Variants in C20orf203 observed in about 807,000 individuals in gnomAD.
C20orf203 encodes the protein uncharacterized protein C20orf203.
In C20orf203, 16 loss-of-function variants were observed where a neutral mutation model predicts 15.9. The observed-to-expected ratio is 1.01, with a 90% CI of 0.68 to 1.53. The LOEUF (loss-of-function observed/expected upper bound fraction) is 1.53, where lower values mean the gene tolerates loss of function less well. Ranked by LOEUF, C20orf203 falls within the 40% of genes most tolerant of loss-of-function variation. The pLI is 0.00. For synonymous variants in C20orf203, 98 were observed against 97.2 expected, an observed-to-expected ratio of 1.01 and a Z score of -0.05; for missense variants, 263 against 247.5, an observed-to-expected ratio of 1.06 and a Z score of -0.42.
intron 4 of C20orf203, among the ~76,000 whole-genome samples, chr20:32,645,303 C>T (rs1277673779): frequency 6.6e-6 from 1 of 152,238 alleles, no homozygotes; most frequent in East Asian, 1.9e-4. Flanking sequence ...TGTGATCATT[C>T]CCAGCTGCCC....
At chr20:32,665,074 G>C (rs189394267) in intron 1 of C20orf203, among the ~76,000 whole-genome samples, 227 of 152,358 alleles carry the variant, frequency 1.5e-3, no homozygotes, top group African/African-American at 5.2e-3. Flanking sequence ...TGCCAAGTAA[G>C]TTCCCCTGAT....
rs113426121 is a variant in C20orf203 at position 32,636,652 on chromosome 20, C to G, written c.*1300-2382G>C. Among the ~76,000 whole-genome samples the G allele has an allele frequency of 2.9e-3, 440 of 152,296 alleles. 2 individuals are homozygous for G. Among genetic ancestry groups the G allele is most frequent in the Middle Eastern group, 0.01 (3 of 294 alleles). On this transcript the variant is annotated intron_variant, in intron 5 of 5. Coordinates refer to ENST00000608990, the MANE Select transcript of C20orf203 (RefSeq NM_182584.4). ...CTCGTCCTCACACCCACCTGCGCCC[C>G]CCATGTGCTGCTGGACTTGGGCCAT...
intron 1 of C20orf203, among the ~76,000 whole-genome samples, chr20:32,671,027 A>AG (rs1225874243): frequency 6.7e-6 from 1 of 150,212 alleles, no homozygotes; most frequent in African/African-American, 2.5e-5. Flanking sequence ...AAAAAAAAAA[A>AG]AACAACAGTG....
At chr20:32,671,010 A>AT (rs1164922816) in intron 1 of C20orf203, among the ~76,000 whole-genome samples, 2 of 79,852 alleles carry the variant, frequency 2.5e-5, no homozygotes, top group Non-Finnish European at 6.6e-5. Flanking sequence ...AACTGCCATT[A>AT]TTTAAAAAAA....
In C20orf203 at chr20:32,650,763, G is replaced by A. The variant is rs1284959660; in HGVS notation, c.254C>T (p.Pro85Leu). 4 of 1,521,554 alleles carry A rather than the reference G, an allele frequency of 2.6e-6. No homozygotes were observed. Among genetic ancestry groups the A allele is most frequent in the Non-Finnish European group, 3.5e-6 (4 of 1,131,864 alleles). The allele number at this position is 1,521,554 out of a possible 1,614,324, so 94.3% of individuals were successfully genotyped here. A position where few individuals can be genotyped will look rare whatever the true frequency, so the allele number is the denominator to read the frequency against. Residue 85 changes from proline to leucine, a missense_variant, in exon 4 of 6, where the codon CCT (proline) becomes CTT (leucine). Transcript: ENST00000608990. ...HPQPSHQRQP[P>L]PPQHPGPYQE... is the part of the protein sequence containing the mutation. ...ATAAGGGCCTGGGTGTTGCGGAGGAGGAGGCTGGCGCTGGTGGCTGGGCTG... is the reference window on the plus strand; with the variant it reads ...ATAAGGGCCTGGGTGTTGCGGAGGAAGAGGCTGGCGCTGGTGGCTGGGCTG...
At chr20:32,668,412 G>T (rs959904659) in intron 1 of C20orf203, among the ~76,000 whole-genome samples, 2 of 151,980 alleles carry the variant, frequency 1.3e-5, no homozygotes, top group African/African-American at 2.4e-5. Flanking sequence ...GATCATTTGA[G>T]GTCAGGAGTT....
intron 1 of C20orf203, among the ~76,000 whole-genome samples, chr20:32,664,471 CT>C (rs1396284201): frequency 6.6e-6 from 1 of 152,222 alleles, no homozygotes; most frequent in Non-Finnish European, 1.5e-5. Context: ...GCCACCCCAC[CT>C]TGGGGTCCTG....
In C20orf203 at chr20:32,650,394, G is replaced by A. The variant is rs1202882020; in HGVS notation, c.*38C>T. 1.4e-6 allele frequency: 2 copies of A among 1,452,408 alleles called. No homozygotes were observed. The highest frequency in any genetic ancestry group is 2.6e-5 in the South Asian group (2 of 78,000). 90.0% of individuals were successfully genotyped at this position (1,452,408 alleles called of 1,614,324 possible). On this transcript the variant is annotated 3_prime_UTR_variant, in exon 4 of 6. Coordinates refer to ENST00000608990, the MANE Select transcript of C20orf203 (RefSeq NM_182584.4). ...AGGTGGTGGTGGCCTTGGTAGGACA[G>A]GCAGGCAGAGCTGGGGGTGGGGGCG... is the stretch of plus-strand genomic sequence containing the variant.
At chr20:32,661,125 C>T (rs539910117) in intron 1 of C20orf203, among the ~76,000 whole-genome samples, 54 of 152,252 alleles carry the variant, frequency 3.5e-4, no homozygotes, top group Non-Finnish European at 6.6e-4. Context: ...GTGCGGGAGG[C>T]GGCAAGAAAG....
rs375587810 is a variant in C20orf203, at chr20:32,650,935, G to A, written c.136-54C>T. The A allele has an allele frequency of 2.5e-5, 36 of 1,443,194 alleles. 1 individual carries two copies. The highest frequency in any genetic ancestry group is 2.4e-4 in the African/African-American group (17 of 69,732). The allele number at this position is 1,443,194 out of a possible 1,614,324, so 89.4% of individuals were successfully genotyped here. A position where few individuals can be genotyped will look rare whatever the true frequency, so the allele number is the denominator to read the frequency against. On this transcript the variant is annotated intron_variant, in intron 3 of 5. Transcript: ENST00000608990. ...CATAGAATCTTAGTACCTGAGACTC[G>A]CAAGGGGCTTTAGGTCTTCCCTAAT...
Position 32,634,207 on chromosome 20 carries a change from G to A in C20orf203, c.*1363C>T. 2 of 398,638 alleles carry A rather than the reference G, an allele frequency of 5.0e-6. No homozygotes were observed. Among genetic ancestry groups the A allele is most frequent in the Non-Finnish European group, 8.8e-6 (2 of 226,116 alleles). 24.7% of individuals were successfully genotyped at this position (398,638 alleles called of 1,614,324 possible). On this transcript the variant is annotated 3_prime_UTR_variant, in exon 6 of 6. Transcript: ENST00000608990. ...GGGCTGCTGGGGCTTGAGTTCAGGG[G>A]TTGGGGGGAGGTTCCTAGCCTGGGG...
intron 5 of C20orf203, among the ~76,000 whole-genome samples, chr20:32,639,762 C>A (rs1336131444): frequency 6.6e-6 from 1 of 152,100 alleles, no homozygotes. Context: ...TCTCCCAAGG[C>A]CACCTTGGCC....
intron 1 of C20orf203, among the ~76,000 whole-genome samples, chr20:32,662,932 G>T (rs11699165): frequency 1.7e-4 from 20 of 116,414 alleles, no homozygotes; most frequent in African/African-American, 4.8e-4. Context: ...TATATATATA[G>T]ATAGATAGAT....
At chr20:32,659,923 ACAT>A (rs149910453) in intron 1 of C20orf203, among the ~76,000 whole-genome samples, 60 of 152,218 alleles carry the variant, frequency 3.9e-4, no homozygotes, top group East Asian at 3.3e-3. Context: ...TATTATATTA[ACAT>A]CATCATCATC....
intron 1 of C20orf203, among the ~76,000 whole-genome samples, chr20:32,662,641 CCT>C (rs1031641572): frequency 6.6e-6 from 1 of 151,674 alleles, no homozygotes; most frequent in Non-Finnish European, 1.5e-5. Flanking sequence ...TTGCAATCAC[CCT>C]GAGATGTTCA....
chr20:32,663,236 C>T (rs1455649448), intron 1 of C20orf203, among the ~76,000 whole-genome samples: 1 of 151,750 alleles, frequency 6.6e-6, no homozygotes, highest in African/African-American at 2.4e-5. Context: ...GTGCGAGCCC[C>T]CGCACCCAGC....
chr20:32,666,292 C>A (rs1202061192), intron 1 of C20orf203, among the ~76,000 whole-genome samples: 1 of 151,320 alleles, frequency 6.6e-6, no homozygotes, highest in Non-Finnish European at 1.5e-5. Context: ...TGTGGCAAAA[C>A]CCCATCTCTA....
intron 1 of C20orf203, among the ~76,000 whole-genome samples, chr20:32,670,986 C>A (rs1322434894): frequency 6.7e-6 from 1 of 148,784 alleles, no homozygotes; most frequent in African/African-American, 2.5e-5. Flanking sequence ...GAGCCATCAA[C>A]TTACACCTGT....
chr20:32,659,462 C>T (rs74721639), intron 1 of C20orf203, among the ~76,000 whole-genome samples: 3,039 of 152,332 alleles, frequency 0.02, 114 homozygotes, highest in African/African-American at 0.068. Context: ...TTTATTTCCT[C>T]CTCCTGATGA....
Sources: allele counts gnomAD v4.1 joint callset (sites outside exome capture counted in the v4.1 genomes callset), GRCh38; gene constraint gnomAD v4.1.1; transcripts MANE v1.5; gene names NCBI Gene and HGNC (gene_info 2026-07-23, HGNC 2026-07-21).